The following RFX4 variants were observed in gnomAD, a reference collection of about 807,000 sequenced individuals.
RFX4 encodes the protein transcription factor RFX4.
RFX4 carries 10 observed loss-of-function variants against 95.0 expected under a neutral mutation model. The ratio of observed to expected loss-of-function variants is 0.11; its 90% confidence interval spans 0.06 to 0.18. RFX4 has a LOEUF of 0.18. RFX4 is among the 10% of genes least tolerant of loss of function. The probability of loss-of-function intolerance (pLI) is 1.00; values close to 1 mark genes in which losing one functional copy is unlikely to be tolerated. For synonymous variants in RFX4, 321 were observed against 340.7 expected (o/e 0.94, Z 0.64); for missense variants, 640 against 922.0 (o/e 0.69, Z 3.96).
At chr12:106,592,357 A>G (rs898292079) in intron 1 of RFX4, among the ~76,000 whole-genome samples, 9 of 152,334 alleles carry the variant, frequency 5.9e-5, no homozygotes, top group African/African-American at 1.7e-4. Flanking sequence ...CTTTCCCATG[A>G]AGAAGGCATT....
chr12:106,630,085 G>A (rs1330695509), intron 2 of RFX4, among the ~76,000 whole-genome samples: 1 of 152,108 alleles, frequency 6.6e-6, no homozygotes, highest in Non-Finnish European at 1.5e-5. Context: ...TGAACTGTGT[G>A]TCATGTGCAT....
chr12:106,723,505 A>G (rs2042434046), intron 13 of RFX4, among the ~76,000 whole-genome samples: 1 of 152,152 alleles, frequency 6.6e-6, no homozygotes, highest in African/African-American at 2.4e-5. Context: ...TCCAGCATAT[A>G]TCAGTTTATA....
chr12:106,738,376 A>G (rs1462017062), intron 15 of RFX4, among the ~76,000 whole-genome samples: 2 of 152,310 alleles, frequency 1.3e-5, no homozygotes, highest in East Asian at 3.9e-4. Flanking sequence ...TGTGAAAGAA[A>G]GATGTCTAGG....
chr12:106,747,926 TTAA>T (rs2042925457), intron 16 of RFX4, among the ~76,000 whole-genome samples: 1 of 111,486 alleles, frequency 9.0e-6, no homozygotes, highest in Non-Finnish European at 2.0e-5. Context: ...AGACGCCGTC[TTAA>T]AAAAAAAAAA....
intron 2 of RFX4, among the ~76,000 whole-genome samples, chr12:106,613,381 T>A (rs1041319828): frequency 6.8e-6 from 1 of 147,072 alleles, no homozygotes; most frequent in Non-Finnish European, 1.5e-5. Flanking sequence ...TTTTTTTTTT[T>A]AGATGCAGTC....
At chr12:106,645,842 AACACTTTTAGC>A in intron 3 of RFX4, 5 of 1,197,050 alleles carry the variant, frequency 4.2e-6, no homozygotes, top group Non-Finnish European at 5.5e-6. Context: ...AGGGAGGCTG[AACACTTTTAGC>A]TCTGAACACA....
intron 1 of RFX4, among the ~76,000 whole-genome samples, chr12:106,593,510 C>T (rs766936798): frequency 9.2e-5 from 14 of 152,280 alleles, no homozygotes; most frequent in East Asian, 5.8e-4. Flanking sequence ...GATAATCTAA[C>T]GAGTGATTAG....
At chr12:106,719,901 C>T (rs917938537) in intron 11 of RFX4, 59 bp from the exon 12 acceptor site, 43 of 1,320,218 alleles carry the variant, frequency 3.3e-5, no homozygotes, top group African/African-American at 1.5e-4. Flanking sequence ...TCTTTTAAGA[C>T]GTAGCTCTTG....
At chr12:106,627,511 T>C (rs1379106409) in intron 2 of RFX4, among the ~76,000 whole-genome samples, 5 of 152,096 alleles carry the variant, frequency 3.3e-5, no homozygotes, top group African/African-American at 4.8e-5. Context: ...CACTCCAGTC[T>C]AGGCAACAAG....
At chr12:106,594,164 A>G (rs1280415730) in intron 1 of RFX4, among the ~76,000 whole-genome samples, 1 of 152,332 alleles carries the variant, frequency 6.6e-6, no homozygotes, top group African/African-American at 2.4e-5. Context: ...AATTTCTCCA[A>G]CAAGCATTAT....
intron 3 of RFX4, among the ~76,000 whole-genome samples, chr12:106,649,306 G>A (rs563553958): frequency 6.6e-6 from 1 of 152,194 alleles, no homozygotes; most frequent in Non-Finnish European, 1.5e-5. Flanking sequence ...TTTGGGCAAA[G>A]GTGTCATGAT....
intron 3 of RFX4, among the ~76,000 whole-genome samples, chr12:106,650,092 G>C (rs2040830023): frequency 6.6e-6 from 1 of 152,178 alleles, no homozygotes; most frequent in Non-Finnish European, 1.5e-5. Flanking sequence ...TAGAGGTACA[G>C]AGCAAACTTT....
chr12:106,624,811 T>G (rs1048070324), intron 2 of RFX4, among the ~76,000 whole-genome samples: 18 of 152,174 alleles, frequency 1.2e-4, no homozygotes, highest in African/African-American at 4.1e-4. Context: ...TAATATTGCC[T>G]TGGATAAAAC....
intron 4 of RFX4, among the ~76,000 whole-genome samples, chr12:106,657,427 T>C: frequency 6.6e-6 from 1 of 152,162 alleles, no homozygotes; most frequent in Non-Finnish European, 1.5e-5. Flanking sequence ...GTGGCAGCCA[T>C]TGCTTCGCTG....
At chr12:106,752,399 C>T (rs563443548) in intron 17 of RFX4, among the ~76,000 whole-genome samples, 201 of 152,224 alleles carry the variant, frequency 1.3e-3, no homozygotes, top group Non-Finnish European at 2.2e-3. Flanking sequence ...AGTGGGTGCT[C>T]GGCCAGTGTT....
In RFX4 at chr12:106,586,013, A is replaced by C. The variant is rs1436970653; in HGVS notation, c.43+2650A>C. On this transcript the variant is annotated intron_variant, in intron 1 of 17. Transcript: ENST00000392842. This position sits in a 1 kb window ranked among gnomAD's most constrained non-coding sequence, Gnocchi z 5.6. ...CTCGGGTTTCCCCAAAATACTCAAC[A>C]AGTGTGGAGCTAAGACAATGGCCCG... The C allele has an allele frequency of 6.6e-6, 1 of 152,062 alleles. No homozygotes were observed. The highest frequency in any genetic ancestry group is 1.5e-5 in the Non-Finnish European group (1 of 68,004). The allele number at this position is 152,062 out of a possible 1,614,324, so 9.4% of individuals were successfully genotyped here.
At chr12:106,716,329 G>A (rs570031267) in intron 11 of RFX4, among the ~76,000 whole-genome samples, 113 of 152,090 alleles carry the variant, frequency 7.4e-4, no homozygotes, top group Admixed American at 6.8e-3. Flanking sequence ...AATGGGGTGA[G>A]GCCCAGGATC....
intron 1 of RFX4, among the ~76,000 whole-genome samples, chr12:106,584,637 GTCA>G (rs1396282769): frequency 1.3e-5 from 2 of 152,242 alleles, no homozygotes; most frequent in Non-Finnish European, 2.9e-5. Context: ...GGGGGCTGGG[GTCA>G]TCGGGGCATT....
intron 2 of RFX4, among the ~76,000 whole-genome samples, chr12:106,610,840 A>C (rs964153143): frequency 6.6e-6 from 1 of 152,178 alleles, no homozygotes; most frequent in African/African-American, 2.4e-5. Context: ...CCAGAAATGA[A>C]ATTGTTGGAT....
Sources: allele counts gnomAD v4.1 joint callset (sites outside exome capture counted in the v4.1 genomes callset), GRCh38; gene constraint gnomAD v4.1.1; non-coding constraint Gnocchi (gnomAD v3.1); transcripts MANE v1.5; gene names NCBI Gene and HGNC (gene_info 2026-07-23, HGNC 2026-07-21).